Variants in SLC30A10 observed in about 807,000 individuals in gnomAD.
SLC30A10 encodes solute carrier family 30 member 10, also known as calcium/manganese antiporter SLC30A10.
SLC30A10 carries 8 observed loss-of-function variants against 21.7 expected under a neutral mutation model. That is an observed-to-expected ratio of 0.37 (90% CI 0.22 to 0.67). The LOEUF (loss-of-function observed/expected upper bound fraction) is 0.67. Among genes scored for constraint, SLC30A10 ranks in the 30% least tolerant of loss-of-function variants. The pLI is 0.58. For synonymous variants in SLC30A10, 272 were observed against 279.4 expected, an observed-to-expected ratio of 0.97 and a Z score of 0.26; for missense variants, 521 against 642.5, an observed-to-expected ratio of 0.81 and a Z score of 2.04.
intron 1 of SLC30A10, among the ~76,000 whole-genome samples, chr1:219,956,213 C>A (rs1660346916): frequency 6.6e-6 from 1 of 151,972 alleles, no homozygotes; most frequent in Non-Finnish European, 1.5e-5. Context: ...CTCTGTCACC[C>A]TGGCTGAAGT....
Position 219,915,601 on chromosome 1 carries a change from A to G in SLC30A10, c.1306T>C (p.Ser436Pro). The change falls in exon 4 of 4, where the codon TCT (serine) becomes CCT (proline). Residue 436 changes from serine (S) to proline (P), a missense_variant. By Grantham distance (74) the Ser-to-Pro change is moderately conservative. Coordinates refer to ENST00000366926, the MANE Select transcript of SLC30A10 (RefSeq NM_018713.3). The part of the protein sequence containing the change: ...NGCAEHNGGP[S>P]LDTYGSDGLS... ...CCATCACTTCCGTATGTGTCTAGAG[A>G]GGGCCCACCATTGTGCTCAGCACAG... 6.2e-7 allele frequency: 1 copy of G among 1,614,198 alleles called. No homozygotes were observed. Among genetic ancestry groups the G allele is most frequent in the Non-Finnish European group, 8.5e-7 (1 of 1,180,044 alleles).
intron 1 of SLC30A10, among the ~76,000 whole-genome samples, chr1:219,939,248 G>A (rs1184415510): frequency 6.6e-6 from 1 of 152,080 alleles, no homozygotes; most frequent in Non-Finnish European, 1.5e-5. Flanking sequence ...TAGTTGCCTG[G>A]GATTTGGAAT....
At chr1:219,930,677 C>T (rs1159864450), upstream of SLC30A10, among the ~76,000 whole-genome samples, 4 of 152,144 alleles carry the variant, frequency 2.6e-5, no homozygotes, top group Admixed American at 2.6e-4. Context: ...GGAAAATATC[C>T]TTATATTGAG....
intron 1 of SLC30A10, among the ~76,000 whole-genome samples, chr1:219,952,541 G>T (rs1470519937): frequency 1.3e-5 from 2 of 149,924 alleles, no homozygotes; most frequent in African/African-American, 2.5e-5. Flanking sequence ...TAATTTCTTT[G>T]TACCCTACTA....
Position 219,918,497 on chromosome 1 carries a change from G to T in SLC30A10, c.719-3C>A. On this transcript the variant is annotated splice_polypyrimidine_tract_variant and splice_region_variant and intron_variant, in intron 2 of 3. Coordinates refer to ENST00000366926, the MANE Select transcript of SLC30A10 (RefSeq NM_018713.3). The surrounding 1 kb of genome is among the most constrained non-coding windows in gnomAD (Gnocchi z 4.4). ...TCCCATCACATGCAAAAGTACACCT[G>T]CCAGGAAGAAAGACTACTGCAGCAC... is the stretch of plus-strand genomic sequence containing the variant. 1 of 1,589,846 alleles carries T rather than the reference G, an allele frequency of 6.3e-7. No homozygotes were observed. The highest frequency in any genetic ancestry group is 1.3e-5 in the African/African-American group (1 of 74,508).
At chr1:219,921,770 T>G (rs1659680691) in intron 2 of SLC30A10, among the ~76,000 whole-genome samples, 1 of 152,156 alleles carries the variant, frequency 6.6e-6, no homozygotes, top group African/African-American at 2.4e-5. Flanking sequence ...TCCTGACATT[T>G]AATAATGCAA....
chr1:219,914,853 C>T lies in SLC30A10; in HGVS notation c.*596G>A, dbSNP rs1659495833. 2 of 152,290 alleles carry T rather than the reference C, an allele frequency of 1.3e-5. No homozygotes were observed. Among genetic ancestry groups the T allele is most frequent in the African/African-American group, 4.8e-5 (2 of 41,444 alleles). The allele number at this position is 152,290 out of a possible 1,614,324, so 9.4% of individuals were successfully genotyped here. A position where few individuals can be genotyped will look rare whatever the true frequency, so the allele number is the denominator to read the frequency against. ...CACAAAATGTAGAGATGGCCAACGC[C>T]CTCCTACTAACCTTTACCTCCTCTA... On this transcript the variant is annotated 3_prime_UTR_variant, in exon 4 of 4. Transcript: ENST00000366926.
chr1:219,930,498 A>G (rs1006767157), upstream of SLC30A10, among the ~76,000 whole-genome samples: 1 of 152,044 alleles, frequency 6.6e-6, no homozygotes, highest in Non-Finnish European at 1.5e-5. Context: ...CAACCACAGA[A>G]CATCCTAACC....
At chr1:219,931,728 G>A (rs1227380533), upstream of SLC30A10, among the ~76,000 whole-genome samples, 7 of 152,252 alleles carry the variant, frequency 4.6e-5, no homozygotes, top group East Asian at 3.9e-4. Flanking sequence ...TGATCTGCCC[G>A]CCTTGACCTC....
rs745798184 is a variant in SLC30A10, at chr1:219,918,207, A to G, written c.958+48T>C. On this transcript the variant is annotated intron_variant, in intron 3 of 3. Transcript: ENST00000366926. This position sits in a 1 kb window ranked among gnomAD's most constrained non-coding sequence, Gnocchi z 4.4. ...AAATAATGCTTGTCCTTTGGCCTGAATAACATTAAATTGAGAGTGGTTCTG... is the reference window on the plus strand; with the variant it reads ...AAATAATGCTTGTCCTTTGGCCTGAGTAACATTAAATTGAGAGTGGTTCTG... 6.3e-7 allele frequency: 1 copy of G among 1,596,098 alleles called. No individual in the cohort carries two copies. The highest frequency in any genetic ancestry group is 1.1e-5 in the South Asian group (1 of 87,316).
At chr1:219,942,670 C>G (rs915375585) in intron 1 of SLC30A10, among the ~76,000 whole-genome samples, 3 of 152,166 alleles carry the variant, frequency 2.0e-5, no homozygotes, top group Admixed American at 6.5e-5. Context: ...AAATGCAAAT[C>G]TTCTTGGAAA....
chr1:219,950,066 T>C (rs963067115), intron 1 of SLC30A10, among the ~76,000 whole-genome samples: 1 of 152,186 alleles, frequency 6.6e-6, no homozygotes, highest in Non-Finnish European at 1.5e-5. Flanking sequence ...AGGCAAACTA[T>C]CTGTTGACAG....
At chr1:219,937,692 T>C (rs575406607) in intron 1 of SLC30A10, among the ~76,000 whole-genome samples, 220 of 152,336 alleles carry the variant, frequency 1.4e-3, no homozygotes, top group Non-Finnish European at 2.7e-3. Context: ...TGTGTGCCTT[T>C]AATCCCAGCT....
At chr1:219,933,958 G>T (rs1026744304) in intron 1 of SLC30A10, among the ~76,000 whole-genome samples, 2 of 152,116 alleles carry the variant, frequency 1.3e-5, no homozygotes, top group African/African-American at 4.8e-5. Flanking sequence ...TTCAAGACCA[G>T]CCTGGCCAAC....
intron 1 of SLC30A10, 32 bp downstream of exon 1, chr1:219,927,769 C>T: frequency 6.7e-7 from 1 of 1,494,904 alleles, no homozygotes. Context: ...AAGGAAGGGC[C>T]AAGCGGTCCA....
At chr1:219,929,477 G>A (rs1659931597), upstream of SLC30A10, among the ~76,000 whole-genome samples, 2 of 151,798 alleles carry the variant, frequency 1.3e-5, no homozygotes, top group African/African-American at 4.8e-5. Context: ...GACCTGATAC[G>A]CAGTACAATC....
At chr1:219,945,556 A>C (rs1344073995) in intron 1 of SLC30A10, among the ~76,000 whole-genome samples, 1 of 152,234 alleles carries the variant, frequency 6.6e-6, no homozygotes, top group African/African-American at 2.4e-5. Context: ...AAATGTGAAA[A>C]CAGCAAAATG....
chr1:219,916,821 C>T (rs1012075378), intron 3 of SLC30A10, among the ~76,000 whole-genome samples: 79 of 152,074 alleles, frequency 5.2e-4, no homozygotes, highest in African/African-American at 1.8e-3. Context: ...GTTTCCTTAT[C>T]TGTATAATAG....
chr1:219,918,069 G>C lies in SLC30A10; in HGVS notation c.958+186C>G, dbSNP rs187779694. ...AGTCAGAGAATCACGGATTGCAAAG[G>C]ACCTTTGGTACTTGGAGCTGAGTCA... On this transcript the variant is annotated intron_variant, in intron 3 of 3. Transcript: ENST00000366926. The surrounding 1 kb of genome is among the most constrained non-coding windows in gnomAD (Gnocchi z 4.4). 4.7e-4 allele frequency among the ~76,000 whole-genome samples: 71 copies of C among 152,276 alleles called. No individual in the cohort carries two copies. Among genetic ancestry groups the C allele is most frequent in the South Asian group, 1.2e-3 (6 of 4,816 alleles).
Sources: allele counts gnomAD v4.1 joint callset (sites outside exome capture counted in the v4.1 genomes callset), GRCh38; gene constraint gnomAD v4.1.1; non-coding constraint Gnocchi (gnomAD v3.1); transcripts MANE v1.5; gene names NCBI Gene and HGNC (gene_info 2026-07-23, HGNC 2026-07-21).